The following TFDP2 variants were observed in gnomAD, a reference collection of about 807,000 sequenced individuals.
TFDP2 encodes the protein transcription factor Dp-2 (E2F dimerization partner 2).
TFDP2 carries 17 observed loss-of-function variants against 59.3 expected under a neutral mutation model. That is an observed-to-expected ratio of 0.29 (90% CI 0.20 to 0.43). The LOEUF is 0.43. TFDP2 is among the 20% of genes least tolerant of loss of function. The pLI, the probability that TFDP2 is intolerant of heterozygous loss-of-function variation, is 1.00. For synonymous variants in TFDP2, 180 were observed against 194.7 expected (o/e 0.92, Z 0.63); for missense variants, 391 against 528.8 (o/e 0.74, Z 2.56).
intron 3 of TFDP2, among the ~76,000 whole-genome samples, chr3:142,034,726 T>G (rs1239226319): frequency 6.6e-6 from 1 of 151,546 alleles, no homozygotes; most frequent in Non-Finnish European, 1.5e-5. Context: ...GCTTTTTTTT[T>G]TTTTTTTGAG....
chr3:141,982,175 T>C (rs1029990705), intron 6 of TFDP2, among the ~76,000 whole-genome samples: 2 of 152,202 alleles, frequency 1.3e-5, no homozygotes, highest in African/African-American at 4.8e-5. Flanking sequence ...TAGTGATTTT[T>C]ATATTTAATT....
intron 9 of TFDP2, among the ~76,000 whole-genome samples, chr3:141,966,687 T>C (rs1443054442): frequency 2.0e-5 from 3 of 151,606 alleles, no homozygotes; most frequent in Non-Finnish European, 2.9e-5. Flanking sequence ...ATGCGTTTAT[T>C]ATGGAAAAGG....
rs1383911824 is a variant in TFDP2, at chr3:141,952,099, G to A, written c.*414C>T. ...TTCTGCCTTGTCAAAGGCAGTCCAG[G>A]CAAGGAAGAGAAACGTCAGAAACAC... On this transcript the variant is annotated 3_prime_UTR_variant, in exon 13 of 13. Transcript: ENST00000489671. 1.3e-5 allele frequency: 2 copies of A among 154,472 alleles called. No homozygotes were observed. The highest frequency in any genetic ancestry group is 2.0e-4 in the South Asian group (1 of 4,918). The allele number at this position is 154,472 out of a possible 1,614,324, so 9.6% of individuals were successfully genotyped here. A position where few individuals can be genotyped will look rare whatever the true frequency, so the allele number is the denominator to read the frequency against.
In TFDP2 at chr3:141,993,494, A is replaced by G. The variant is rs758919600; in HGVS notation, c.356+44T>C. 2.2e-6 allele frequency: 3 copies of G among 1,350,468 alleles called. No individual in the cohort carries two copies. The East Asian group carries it at 7.1e-5, about 32-fold the overall frequency. 83.7% of individuals were successfully genotyped at this position (1,350,468 alleles called of 1,614,324 possible). A position where few individuals can be genotyped will look rare whatever the true frequency, so the allele number is the denominator to read the frequency against. On this transcript the variant is annotated intron_variant, in intron 6 of 12. Coordinates refer to ENST00000489671, the MANE Select transcript of TFDP2 (RefSeq NM_001178139.2). Reference sequence around the variant, plus strand: ...CAGTGGCAATGCCAACAGCCTCTCTATATAGCCAAATCTTCCAAACAAAAT... The same window carrying G: ...CAGTGGCAATGCCAACAGCCTCTCTGTATAGCCAAATCTTCCAAACAAAAT...
intron 1 of TFDP2, among the ~76,000 whole-genome samples, chr3:142,145,748 GA>G (rs1214729278): frequency 1.4e-5 from 2 of 143,616 alleles, no homozygotes; most frequent in Non-Finnish European, 3.2e-5. Context: ...ATCCTTTTCC[GA>G]AAAAAAAGAC....
intron 3 of TFDP2, chr3:142,054,283 T>C (rs1361839266): frequency 6.6e-6 from 1 of 152,226 alleles, no homozygotes; most frequent in Admixed American, 6.5e-5. Flanking sequence ...AATGGTGGTA[T>C]ATCATATAAT....
At chr3:142,026,876 T>C (rs962739046) in intron 3 of TFDP2, among the ~76,000 whole-genome samples, 2 of 152,226 alleles carry the variant, frequency 1.3e-5, no homozygotes, top group Non-Finnish European at 1.5e-5. Flanking sequence ...AAGCTTATTA[T>C]CTTTCTTTTT....
chr3:141,946,656 TC>T lies in TFDP2; in HGVS notation c.*5856del, dbSNP rs1935280588. ...CCAGAGATTACCTAAGCATCACTTC[TC>T]AGAGACGTTTTGGTTAAGGGACTAC... On this transcript the variant is annotated 3_prime_UTR_variant, in exon 13 of 13. Transcript: ENST00000489671. 6.6e-6 allele frequency: 1 copy of T among 152,186 alleles called. No individual in the cohort carries two copies. The highest frequency in any genetic ancestry group is 1.5e-5 in the Non-Finnish European group (1 of 68,026). 9.4% of individuals were successfully genotyped at this position (152,186 alleles called of 1,614,324 possible).
At position 142,050,839 on chromosome 3, in the gene TFDP2, C is replaced by T. The variant is rs570570228; in HGVS notation, c.82+42222G>A. On this transcript the variant is annotated intron_variant, in intron 3 of 12. Coordinates refer to ENST00000489671, the MANE Select transcript of TFDP2 (RefSeq NM_001178139.2). ...CTCCAGCCTGGGTGACAGAGTGAGA[C>T]TCCATCTCAAAAAATCAATCAATCA... Among the ~76,000 whole-genome samples the T allele has an allele frequency of 1.6e-4, 21 of 129,096 alleles. No homozygotes were observed. The South Asian group carries it at 2.0e-3, about 12-fold the overall frequency. The allele number at this position is 129,096 out of a possible 152,430, so 84.7% of individuals were successfully genotyped here.
chr3:142,139,775 T>C (rs1223525617), intron 1 of TFDP2, among the ~76,000 whole-genome samples: 1 of 152,200 alleles, frequency 6.6e-6, no homozygotes, highest in Non-Finnish European at 1.5e-5. Flanking sequence ...GGTAACCTGA[T>C]GTTTCTCTCT....
chr3:142,128,431 A>G (rs1577048790), intron 1 of TFDP2, among the ~76,000 whole-genome samples: 1 of 152,226 alleles, frequency 6.6e-6, no homozygotes, highest in East Asian at 1.9e-4. Flanking sequence ...TCTGCGAGGG[A>G]AAGTGATCCA....
At chr3:141,967,669 T>C (rs903348778) in intron 9 of TFDP2, among the ~76,000 whole-genome samples, 11 of 152,196 alleles carry the variant, frequency 7.2e-5, no homozygotes, top group African/African-American at 2.4e-4. Flanking sequence ...CTTTAATGTT[T>C]AGAGAGACCT....
intron 1 of TFDP2, among the ~76,000 whole-genome samples, chr3:142,130,946 G>T (rs560682327): frequency 1.3e-5 from 2 of 149,714 alleles, no homozygotes; most frequent in Non-Finnish European, 2.9e-5. Context: ...TCAGCTACTC[G>T]GGAGGCTGAG....
At chr3:142,062,554 G>C (rs1266154090) in intron 3 of TFDP2, among the ~76,000 whole-genome samples, 1 of 151,846 alleles carries the variant, frequency 6.6e-6, no homozygotes, top group African/African-American at 2.4e-5. Flanking sequence ...GTTGCCAGTG[G>C]GAGTGTGAAC....
chr3:142,006,469 AT>A (rs61099247), intron 3 of TFDP2, among the ~76,000 whole-genome samples: 384 of 137,478 alleles, frequency 2.8e-3, no homozygotes, highest in Admixed American at 3.6e-3. Context: ...TTCCCTTACT[AT>A]TTTTTTTTTT....
intron 3 of TFDP2, among the ~76,000 whole-genome samples, chr3:142,015,496 C>CT (rs1945061742): frequency 6.6e-6 from 1 of 152,204 alleles, no homozygotes; most frequent in Admixed American, 6.5e-5. Flanking sequence ...TGAGACCTCA[C>CT]TTTCTCTGAT....
intron 3 of TFDP2, among the ~76,000 whole-genome samples, chr3:142,049,893 CAA>C (rs1348113841): frequency 6.6e-6 from 1 of 151,976 alleles, no homozygotes. Context: ...CAAAATTGTA[CAA>C]GAGTTATACA....
intron 3 of TFDP2, among the ~76,000 whole-genome samples, chr3:142,047,344 A>G (rs1345901931): frequency 2.0e-5 from 3 of 152,244 alleles, no homozygotes; most frequent in Non-Finnish European, 2.9e-5. Flanking sequence ...GCCATAAATT[A>G]GCTTAATAAT....
intron 1 of TFDP2, among the ~76,000 whole-genome samples, chr3:142,116,795 T>A (rs2061865843): frequency 6.6e-6 from 1 of 152,164 alleles, no homozygotes; most frequent in Admixed American, 6.5e-5. Flanking sequence ...TGTATGCATA[T>A]AAGTTACGTT....
Sources: gnomAD v4.1 joint callset for allele counts (sites outside exome capture counted in the v4.1 genomes callset) on GRCh38, gnomAD v4.1.1 for gene constraint, MANE v1.5 for transcripts, NCBI Gene and HGNC (gene_info 2026-07-23, HGNC 2026-07-21) for gene names.